The following KTN1 variants were observed in gnomAD, a reference collection of about 807,000 sequenced individuals.
The protein encoded by KTN1 is kinectin 1, also known as kinectin.
A neutral mutation model predicts 222.5 loss-of-function variants in KTN1; 130 were observed. The observed-to-expected ratio is 0.58, with a 90% confidence interval of 0.51 to 0.68. The LOEUF is 0.68. Ranked by LOEUF, KTN1 falls within the 30% of genes least tolerant of loss-of-function variation. The pLI is 0.00. For missense variants in KTN1, 1,508 were observed against 1,500.4 expected (o/e 1.01, Z -0.08); for synonymous variants, 512 against 496.3 (o/e 1.03, Z -0.42).
intron 1 of KTN1, among the ~76,000 whole-genome samples, chr14:55,583,748 C>G (rs75016910): frequency 0.06 from 9,156 of 152,216 alleles, 367 homozygotes; most frequent in South Asian, 0.089. Context: ...CCAACCCAGA[C>G]TTTCCACATG....
intron 43 of KTN1, chr14:55,682,016 C>T (rs1018737701): frequency 7.2e-5 from 11 of 152,050 alleles, no homozygotes; most frequent in African/African-American, 7.2e-5. Context: ...CTTAATATAT[C>T]TAATGTCAAG....
At chr14:55,586,128 T>A (rs562822712) in intron 1 of KTN1, among the ~76,000 whole-genome samples, 1 of 152,198 alleles carries the variant, frequency 6.6e-6, no homozygotes, top group Non-Finnish European at 1.5e-5. Flanking sequence ...GACCTACAGG[T>A]CTTAGACCTT....
intron 42 of KTN1, chr14:55,679,318 A>AT (rs146883765): frequency 2.6e-4 from 96 of 364,836 alleles, no homozygotes; most frequent in Non-Finnish European, 4.1e-4. Context: ...TAGATTCTAG[A>AT]TTTTTTTTCC....
At position 55,608,186 on chromosome 14, in the gene KTN1, A is replaced by G. The variant is rs2037022557; in HGVS notation, c.-30-3833A>G. Among the ~76,000 whole-genome samples the G allele has an allele frequency of 2.6e-5, 4 of 151,580 alleles. 1 individual carries two copies. The South Asian group carries it at 8.3e-4, about 32-fold the overall frequency. Reference sequence around the variant, plus strand: ...AAACTTTGTCTTTGTTCTTCCCTGAATTTTCCTGTTTCATTCTCAGTTCCT... The same window carrying G: ...AAACTTTGTCTTTGTTCTTCCCTGAGTTTTCCTGTTTCATTCTCAGTTCCT... On this transcript the variant is annotated intron_variant, in intron 1 of 43. Coordinates refer to ENST00000395314, the MANE Select transcript of KTN1 (RefSeq NM_001079521.2).
At chr14:55,649,717 A>G (rs2042748427) in intron 21 of KTN1, 59 bp from the exon 22 acceptor site, 2 of 992,272 alleles carry the variant, frequency 2.0e-6, no homozygotes, top group Non-Finnish European at 3.1e-6. Flanking sequence ...GTGCATTTCT[A>G]TTTCTGACCC....
chr14:55,623,169 A>G (rs1455419565), intron 5 of KTN1, among the ~76,000 whole-genome samples: 2 of 152,266 alleles, frequency 1.3e-5, no homozygotes, highest in African/African-American at 2.4e-5. Context: ...TTTTTGCCAC[A>G]GCATTTATCA....
At chr14:55,667,365 C>A in intron 34 of KTN1, 35 bp downstream of exon 34, 1 of 1,277,216 alleles carries the variant, frequency 7.8e-7, no homozygotes, top group Non-Finnish European at 1.1e-6. Flanking sequence ...AACATGATGA[C>A]ATTATTCAAG....
rs2045855425 is a variant in KTN1 at position 55,675,929 on chromosome 14, T to TTCG, written c.3855+14_3855+16dup. ...GGTGATTTGCATAAGGTAGGCACTG[T>TTCG]TCGTCCTAGAGATGTAGTATCATGA... On this transcript the variant is annotated intron_variant, in intron 41 of 43. Coordinates refer to ENST00000395314, the MANE Select transcript of KTN1 (RefSeq NM_001079521.2). 1 of 1,590,228 alleles carries TTCG rather than the reference T, an allele frequency of 6.3e-7. No homozygotes were observed. Among genetic ancestry groups the TTCG allele is most frequent in the African/African-American group, 1.3e-5 (1 of 74,556 alleles).
intron 10 of KTN1, among the ~76,000 whole-genome samples, chr14:55,636,837 CTT>C: frequency 7.0e-6 from 1 of 143,014 alleles, no homozygotes; most frequent in Non-Finnish European, 1.5e-5. Context: ...TTGGTTAATT[CTT>C]TTTTTTTTTT....
At chr14:55,644,324 C>A in intron 18 of KTN1, 1 of 699,520 alleles carries the variant, frequency 1.4e-6, no homozygotes, top group South Asian at 1.5e-5. Flanking sequence ...AATTTCAGTC[C>A]TTTTACCCCA....
At position 55,612,035 on chromosome 14, in the gene KTN1, T is replaced by C; in HGVS notation, c.-14T>C. ...CCTATTTAGGTTTTATAGGATCACA[T>C]TGACAAAAGTACCATGGAGTTTTAT... On this transcript the variant is annotated 5_prime_UTR_variant, in exon 2 of 44. Transcript: ENST00000395314. The C allele has an allele frequency of 7.2e-7, 1 of 1,384,730 alleles. No individual in the cohort carries two copies. The highest frequency in any genetic ancestry group is 9.5e-7 in the Non-Finnish European group (1 of 1,055,682). The allele number at this position is 1,384,730 out of a possible 1,614,324, so 85.8% of individuals were successfully genotyped here. A position where few individuals can be genotyped will look rare whatever the true frequency, so the allele number is the denominator to read the frequency against.
intron 3 of KTN1, among the ~76,000 whole-genome samples, chr14:55,616,861 A>G (rs945147257): frequency 4.6e-5 from 7 of 152,200 alleles, no homozygotes; most frequent in Admixed American, 6.5e-5. Flanking sequence ...GAGATGAAAA[A>G]GTTTATATAC....
At chr14:55,589,791 T>G (rs1255972723) in intron 1 of KTN1, among the ~76,000 whole-genome samples, 1 of 151,576 alleles carries the variant, frequency 6.6e-6, no homozygotes, top group Non-Finnish European at 1.5e-5. Context: ...CTTGAGTAGC[T>G]GGGACTACAG....
At position 55,636,798 on chromosome 14, in the gene KTN1, TC is replaced by T. The variant is rs536884345; in HGVS notation, c.1549+263del. 2.5e-3 allele frequency among the ~76,000 whole-genome samples: 376 copies of T among 152,228 alleles called. 3 individuals are homozygous for T. Among genetic ancestry groups the T allele is most frequent in the African/African-American group, 8.8e-3 (364 of 41,560 alleles). On this transcript the variant is annotated intron_variant, in intron 10 of 43. Transcript: ENST00000395314. ...TAATGGGATCCTGGCTGTGTGTGTT[TC>T]TTTTCTGTAGTTATTCTCTTTGGTT...
chr14:55,583,720 G>A (rs1056018845), intron 1 of KTN1, among the ~76,000 whole-genome samples: 2 of 151,990 alleles, frequency 1.3e-5, no homozygotes, highest in African/African-American at 4.8e-5. Flanking sequence ...TATGCTGATG[G>A]CTCCCATATT....
chr14:55,654,538 A>ATT (rs143099004), intron 28 of KTN1, among the ~76,000 whole-genome samples: 1 of 140,962 alleles, frequency 7.1e-6, no homozygotes, highest in South Asian at 2.2e-4. Context: ...TCTGCCTTAC[A>ATT]TTTTTTTTTT....
chr14:55,659,831 T>G (rs1311048303), intron 31 of KTN1, 128 bp downstream of exon 31: 2 of 600,654 alleles, frequency 3.3e-6, no homozygotes, highest in African/African-American at 1.9e-5. Context: ...TTGGATATCT[T>G]GAATTGCAGT....
intron 10 of KTN1, 81 bp from the exon 11 acceptor site, chr14:55,637,117 G>A: frequency 1.0e-6 from 1 of 997,494 alleles, no homozygotes; most frequent in Non-Finnish European, 1.5e-6. Context: ...TTTTCTAGAG[G>A]AGAGAATGCC....
In KTN1 at chr14:55,637,275, A is replaced by C; in HGVS notation, c.1627A>C (p.Lys543Gln). ...HSKLTDTLVSKQQLEQRLMQL... is the reference protein window; with the variant it reads ...HSKLTDTLVSQQQLEQRLMQL... The stretch of plus-strand genomic sequence containing the variant: ...TAAGCTTACAGATACCTTGGTATCA[A>C]AACAACAGTTGGAGCAAAGACTAAT... Residue 543 changes from lysine (K) to glutamine (Q), a missense_variant, in exon 11 of 44, where the codon AAA (lysine) becomes CAA (glutamine). Transcript: ENST00000395314. 3 of 1,612,170 alleles carry C rather than the reference A, an allele frequency of 1.9e-6. No homozygotes were observed. The highest frequency in any genetic ancestry group is 1.1e-5 in the South Asian group (1 of 90,904).
Sources: allele counts gnomAD v4.1 joint callset (sites outside exome capture counted in the v4.1 genomes callset), GRCh38; gene constraint gnomAD v4.1.1; transcripts MANE v1.5; gene names NCBI Gene and HGNC (gene_info 2026-07-23, HGNC 2026-07-21).